The following CREB5 variants were observed in gnomAD, a reference collection of about 807,000 sequenced individuals.
The protein encoded by CREB5 is cAMP responsive element binding protein 5, also known as cyclic AMP-responsive element-binding protein 5.
A neutral mutation model predicts 57.1 loss-of-function variants in CREB5; 19 were observed. The observed-to-expected ratio is 0.33, with a 90% CI of 0.23 to 0.49. CREB5 has a LOEUF of 0.49. Ranked by LOEUF, CREB5 falls within the 20% of genes least tolerant of loss-of-function variation. The pLI, the probability that CREB5 is intolerant of heterozygous loss-of-function variation, is 0.99. For synonymous variants in CREB5, 238 were observed against 238.3 expected (o/e 1.00, Z 0.01); for missense variants, 579 against 671.6 (o/e 0.86, Z 1.52).
At chr7:28,705,775 A>G (rs1802076455) in intron 5 of CREB5, among the ~76,000 whole-genome samples, 1 of 152,252 alleles carries the variant, frequency 6.6e-6, no homozygotes, top group Admixed American at 6.5e-5. Context: ...CAGGGCCACC[A>G]GGGAAGAGAA....
chr7:28,611,405 A>C (rs1240334177), intron 5 of CREB5, among the ~76,000 whole-genome samples: 1 of 147,082 alleles, frequency 6.8e-6, no homozygotes, highest in Non-Finnish European at 1.5e-5. Context: ...TAATCCCAGC[A>C]CTTTGGGAGG....
chr7:28,674,893 G>C (rs759266500), intron 5 of CREB5, among the ~76,000 whole-genome samples: 10 of 152,184 alleles, frequency 6.6e-5, no homozygotes, highest in Non-Finnish European at 1.5e-4. Flanking sequence ...TAGAAACTCT[G>C]TAGTGACTTG....
chr7:28,815,692 G>A (rs56376152), intron 9 of CREB5, among the ~76,000 whole-genome samples: 2,663 of 152,302 alleles, frequency 0.017, 77 homozygotes, highest in South Asian at 0.14. Context: ...GTGCCTGGGA[G>A]ATCGAATGCT....
At chr7:28,818,577 G>A (rs1809573675) in intron 10 of CREB5, among the ~76,000 whole-genome samples, 1 of 152,164 alleles carries the variant, frequency 6.6e-6, no homozygotes, top group South Asian at 2.1e-4. Flanking sequence ...AACACTGCAT[G>A]TTACTCACTG....
intron 6 of CREB5, among the ~76,000 whole-genome samples, chr7:28,719,415 A>G (rs560356647): frequency 6.6e-6 from 1 of 152,346 alleles, no homozygotes; most frequent in African/African-American, 2.4e-5. Flanking sequence ...AAACAATTCT[A>G]CAAAATGGGT....
chr7:28,528,824 A>G (rs1793584137), intron 4 of CREB5, among the ~76,000 whole-genome samples: 1 of 151,710 alleles, frequency 6.6e-6, no homozygotes, highest in Admixed American at 6.6e-5. Flanking sequence ...TCACTTTTAA[A>G]GAAGAATATG....
chr7:28,744,856 A>T (rs1804605603), intron 7 of CREB5, among the ~76,000 whole-genome samples: 2 of 152,246 alleles, frequency 1.3e-5, no homozygotes, highest in Admixed American at 1.3e-4. Context: ...GCAAAATCAA[A>T]TCTCGAATTC....
At chr7:28,331,903 T>A (rs1238258332) in intron 1 of CREB5, among the ~76,000 whole-genome samples, 1 of 151,578 alleles carries the variant, frequency 6.6e-6, no homozygotes, top group African/African-American at 2.4e-5. Flanking sequence ...ATTTGCTTAG[T>A]CATTTGTAGT....
chr7:28,479,053 T>C (rs747414718), intron 1 of CREB5, among the ~76,000 whole-genome samples: 21 of 152,154 alleles, frequency 1.4e-4, no homozygotes, highest in Non-Finnish European at 2.4e-4. Flanking sequence ...TATAAAGAGG[T>C]GGGGACGCAC....
At chr7:28,707,035 TG>T (rs1343401414) in intron 5 of CREB5, among the ~76,000 whole-genome samples, 1 of 152,068 alleles carries the variant, frequency 6.6e-6, no homozygotes, top group Non-Finnish European at 1.5e-5. Flanking sequence ...GAAGAGAGAC[TG>T]GTACCTGCTG....
chr7:28,630,108 C>T (rs1056346752), intron 5 of CREB5, among the ~76,000 whole-genome samples: 1 of 152,210 alleles, frequency 6.6e-6, no homozygotes, highest in Non-Finnish European at 1.5e-5. Context: ...ACAGCCTGAA[C>T]TGTTCCTGAA....
intron 5 of CREB5, among the ~76,000 whole-genome samples, chr7:28,666,083 A>T (rs1290050934): frequency 2.0e-5 from 3 of 152,102 alleles, no homozygotes; most frequent in Non-Finnish European, 4.4e-5. Flanking sequence ...GAAATCTGTG[A>T]ATGTTGAGTT....
chr7:28,617,862 A>G (rs555139348), intron 5 of CREB5, among the ~76,000 whole-genome samples: 2 of 152,266 alleles, frequency 1.3e-5, no homozygotes, highest in Admixed American at 1.3e-4. Context: ...ATATTTATTG[A>G]ATGACTCCTT....
intron 5 of CREB5, among the ~76,000 whole-genome samples, chr7:28,712,411 A>G (rs59722176): frequency 0.49 from 73,505 of 149,714 alleles, 18,637 homozygotes; most frequent in African/African-American, 0.56. Context: ...GGGAGGCTGA[A>G]GCAGGAGAAT....
rs1786529047 is a variant in CREB5, at chr7:28,363,449, C to G, written c.-25+64008C>G. ...TGGCTGTGAATGTATCTTCCCTTGTCAACCTGCTGCCTTCTTGTCCATTCT... is the reference window on the plus strand; with the variant it reads ...TGGCTGTGAATGTATCTTCCCTTGTGAACCTGCTGCCTTCTTGTCCATTCT... On this transcript the variant is annotated intron_variant, in intron 1 of 9. Coordinates refer to the CREB5 transcript ENST00000396299. 2.6e-5 allele frequency among the ~76,000 whole-genome samples: 4 copies of G among 152,162 alleles called. 1 individual carries two copies. In the South Asian group the frequency reaches 8.3e-4, roughly 32 times the overall value.
At chr7:28,409,178 G>C (rs929346727), upstream of CREB5, among the ~76,000 whole-genome samples, 14 of 151,462 alleles carry the variant, frequency 9.2e-5, no homozygotes, top group African/African-American at 3.4e-4. The surrounding 1 kb of genome is among the most constrained non-coding windows in gnomAD (Gnocchi z 4.4). Context: ...GGGTGCACCA[G>C]GGTCCGCGCG....
intron 1 of CREB5, among the ~76,000 whole-genome samples, chr7:28,390,693 G>A (rs1296189373): frequency 6.6e-6 from 1 of 152,162 alleles, no homozygotes; most frequent in Non-Finnish European, 1.5e-5. Context: ...ATAGGATAAA[G>A]ACTTGGAAAG....
intron 1 of CREB5, among the ~76,000 whole-genome samples, chr7:28,314,284 C>T (rs1036976401): frequency 1.1e-4 from 16 of 152,144 alleles, no homozygotes; most frequent in African/African-American, 3.9e-4. Flanking sequence ...GAAAACACTT[C>T]AAGATGAGAT....
At chr7:28,606,308 A>G (rs1797128814) in intron 5 of CREB5, among the ~76,000 whole-genome samples, 1 of 152,110 alleles carries the variant, frequency 6.6e-6, no homozygotes, top group Non-Finnish European at 1.5e-5. Context: ...AGAATTATTA[A>G]TTTTTTACTT....
Sources: gnomAD v4.1 joint callset for allele counts (sites outside exome capture counted in the v4.1 genomes callset) on GRCh38, gnomAD v4.1.1 for gene constraint, Gnocchi (gnomAD v3.1) non-coding constraint, MANE v1.5 for transcripts, NCBI Gene and HGNC (gene_info 2026-07-23, HGNC 2026-07-21) for gene names.